Variants in LRP1 observed in about 807,000 individuals in gnomAD.
LRP1 encodes LDL receptor related protein 1.
Under a neutral mutation model 541.5 loss-of-function variants are expected in LRP1, and 51 were observed. The ratio of observed to expected loss-of-function variants is 0.09; its 90% CI spans 0.08 to 0.12. The LOEUF (loss-of-function observed/expected upper bound fraction) is 0.12. Among genes scored for constraint, LRP1 ranks in the 10% least tolerant of loss-of-function variants. The pLI is 1.00. For missense variants in LRP1, 3,878 were observed against 6,376.2 expected (o/e 0.61, Z 13.34); for synonymous variants, 2,219 against 2,470.8 (o/e 0.90, Z 3.02).
Position 57,173,212 on chromosome 12 carries a change from C to G in LRP1, c.3208C>G (p.Arg1070Gly), listed in dbSNP as rs756577980. 6.2e-7 allele frequency: 1 copy of G among 1,613,682 alleles called. No homozygotes were observed. Among genetic ancestry groups the G allele is most frequent in the African/African-American group, 1.3e-5 (1 of 75,020 alleles). ...GGCHTDEFQC[R>G]LDGLCIPLRW... is the part of the protein sequence containing the mutation. The stretch of plus-strand genomic sequence containing the variant: ...CTGCCACACTGATGAGTTCCAGTGC[C>G]GGCTGGATGGACTATGCATCCCCCT... Residue 1070 changes from arginine to glycine, a missense_variant, in exon 21 of 89, where the codon CGG (arginine) becomes GGG (glycine). Physicochemically the swap from Arg to Gly is moderately radical, Grantham distance 125 (BLOSUM62 -2). Coordinates refer to ENST00000243077, the MANE Select transcript of LRP1 (RefSeq NM_002332.3). This position sits in a 1 kb window ranked among gnomAD's most constrained non-coding sequence, Gnocchi z 4.7.
chr12:57,165,735 G>T lies in LRP1; in HGVS notation c.2531-70G>T. On this transcript the variant is annotated intron_variant, in intron 15 of 88. Transcript: ENST00000243077. This position sits in a 1 kb window ranked among gnomAD's most constrained non-coding sequence, Gnocchi z 4.5. ...AAATAGTAAAACAAACAAAAATGGT[G>T]CAAAGGGCTTAGTACTTGTCCCACG... The T allele has an allele frequency of 1.3e-6, 2 of 1,497,894 alleles. No homozygotes were observed. The highest frequency in any genetic ancestry group is 1.2e-5 in the South Asian group (1 of 83,666). The allele number at this position is 1,497,894 out of a possible 1,614,324, so 92.8% of individuals were successfully genotyped here. A position where few individuals can be genotyped will look rare whatever the true frequency, so the allele number is the denominator to read the frequency against.
intron 6 of LRP1, among the ~76,000 whole-genome samples, chr12:57,147,104 T>C (rs1171163148): frequency 6.6e-6 from 1 of 151,950 alleles, no homozygotes; most frequent in Non-Finnish European, 1.5e-5. Context: ...CCTCCCAGTC[T>C]GCTAAACTCA....
At position 57,145,069 on chromosome 12, in the gene LRP1, G is replaced by A; in HGVS notation, c.546G>A (p.Gln182=). Residue 182 remains glutamine, a synonymous_variant, in exon 5 of 89, where the codon CAG becomes CAA. Transcript: ENST00000243077. Reference sequence around the variant, plus strand: ...GCTGTGTTGAAGGATACCTCCTGCAGCCGGATAACCGCTCCTGCAAGGCCA... The same window carrying A: ...GCTGTGTTGAAGGATACCTCCTGCAACCGGATAACCGCTCCTGCAAGGCCA... ...ICGCVEGYLL[Q]PDNRSCKAKN... 2.5e-6 allele frequency: 4 copies of A among 1,614,002 alleles called. No homozygotes were observed. Among genetic ancestry groups the A allele is most frequent in the Non-Finnish European group, 3.4e-6 (4 of 1,180,038 alleles).
At chr12:57,170,801 A>G (rs899383645) in intron 20 of LRP1, among the ~76,000 whole-genome samples, 5 of 152,120 alleles carry the variant, frequency 3.3e-5, no homozygotes, top group African/African-American at 1.2e-4. Flanking sequence ...GGGTGACAGA[A>G]TAAGACCTTG....
chr12:57,158,690 A>G lies in LRP1; in HGVS notation c.1798+52A>G, dbSNP rs975742161. On this transcript the variant is annotated intron_variant, in intron 11 of 88. Coordinates refer to ENST00000243077, the MANE Select transcript of LRP1 (RefSeq NM_002332.3). The surrounding 1 kb of genome is among the most constrained non-coding windows in gnomAD (Gnocchi z 5.3). ...TGGGGATGGAAGGGGGCTGGGGCCC[A>G]GGCATCTGTTTCTCGGTGCCCTCTC... The G allele has an allele frequency of 7.8e-6, 12 of 1,539,066 alleles. No individual in the cohort carries two copies. In the Middle Eastern group the frequency reaches 8.5e-4, roughly 109 times the overall value.
At chr12:57,161,174 C>A in intron 13 of LRP1, 59 bp downstream of exon 13, 3 of 1,538,960 alleles carry the variant, frequency 1.9e-6, no homozygotes, top group Non-Finnish European at 1.8e-6. Flanking sequence ...CATGCTTGGG[C>A]GTGGATGAGG....
chr12:57,205,448 G>T lies in LRP1; in HGVS notation c.11433G>T (p.Ser3811=). ...TEKAAYCACR[S]GFHTVPGQPG... The stretch of plus-strand genomic sequence containing the variant: ...AAGCGGCCTACTGTGCCTGCCGCTC[G>T]GGCTTCCACACCGTGCCCGGCCAGC... Residue 3811 remains serine (S), a synonymous_variant, in exon 74 of 89, where the codon TCG becomes TCT. Transcript: ENST00000243077. This position sits in a 1 kb window ranked among gnomAD's most constrained non-coding sequence, Gnocchi z 4.6. 1 of 1,611,158 alleles carries T rather than the reference G, an allele frequency of 6.2e-7. No individual in the cohort carries two copies. Among genetic ancestry groups the T allele is most frequent in the South Asian group, 1.1e-5 (1 of 91,010 alleles).
At position 57,154,599 on chromosome 12, in the gene LRP1, C is replaced by T; in HGVS notation, c.1125C>T (p.Asp375=). ...TGTTTCCTCATGGCATCACGCTGGACCTGGTCAGCCGCCTTGTCTACTGGG... is the reference window on the plus strand; with the variant it reads ...TGTTTCCTCATGGCATCACGCTGGATCTGGTCAGCCGCCTTGTCTACTGGG... ...KIVFPHGITL[D]LVSRLVYWAD... Residue 375 remains aspartate (D), a synonymous_variant, in exon 8 of 89, where the codon GAC becomes GAT. Coordinates refer to ENST00000243077, the MANE Select transcript of LRP1 (RefSeq NM_002332.3). The surrounding 1 kb of genome is among the most constrained non-coding windows in gnomAD (Gnocchi z 4.6). 6.2e-7 allele frequency: 1 copy of T among 1,612,406 alleles called. No homozygotes were observed. Among genetic ancestry groups the T allele is most frequent in the Non-Finnish European group, 8.5e-7 (1 of 1,179,202 alleles).
At chr12:57,176,209 C>T in intron 24 of LRP1, 103 bp downstream of exon 24, 1 of 1,106,100 alleles carries the variant, frequency 9.0e-7, no homozygotes, top group Non-Finnish European at 1.3e-6. Context: ...GGCTTGGCTC[C>T]CCCATCCCCC....
In LRP1 at chr12:57,183,748, T is replaced by C. The variant is rs1394615013; in HGVS notation, c.5795-27T>C. On this transcript the variant is annotated intron_variant, in intron 35 of 88. Coordinates refer to ENST00000243077, the MANE Select transcript of LRP1 (RefSeq NM_002332.3). The surrounding 1 kb of genome is among the most constrained non-coding windows in gnomAD (Gnocchi z 6.1). ...CACCTTACCCCTGCCTTATTGGGCA[T>C]CCCCATGTCACCTCCTCCACCTCCA... The C allele has an allele frequency of 3.7e-6, 6 of 1,613,058 alleles. No individual in the cohort carries two copies. The South Asian group carries it at 5.5e-5, about 15-fold the overall frequency.
rs200703242 is a variant in LRP1, at chr12:57,194,539, G to A, written c.8068+36G>A. The A allele has an allele frequency of 2.3e-4, 363 of 1,612,280 alleles. 1 individual carries two copies. In the African/African-American group the frequency reaches 4.2e-3, roughly 19 times the overall value. ...GCAGGTGTGTGGTGGGTGGTGGCCT[G>A]CGGTGAGCAGGGCCCTCACACCTGC... is the stretch of plus-strand genomic sequence containing the variant. On this transcript the variant is annotated intron_variant, in intron 49 of 88. Transcript: ENST00000243077.
At chr12:57,148,733 G>A (rs2035465536) in intron 6 of LRP1, among the ~76,000 whole-genome samples, 1 of 152,206 alleles carries the variant, frequency 6.6e-6, no homozygotes. Flanking sequence ...GGCCTTGAAG[G>A]AAATCGGGTT....
Position 57,162,546 on chromosome 12 carries a change from G to T in LRP1, c.2404+28G>T. On this transcript the variant is annotated intron_variant, in intron 14 of 88. Coordinates refer to ENST00000243077, the MANE Select transcript of LRP1 (RefSeq NM_002332.3). The surrounding 1 kb of genome is among the most constrained non-coding windows in gnomAD (Gnocchi z 5.2). ...ACCTCCTTGGGGCTGGGGGCAGCGT[G>T]GGACCTGGAAGGGGTGGTGGGACTT... The T allele has an allele frequency of 6.2e-7, 1 of 1,611,942 alleles. No individual in the cohort carries two copies. Among genetic ancestry groups the T allele is most frequent in the Non-Finnish European group, 8.5e-7 (1 of 1,179,386 alleles).
Position 57,195,774 on chromosome 12 carries a change from G to A in LRP1, c.8554G>A (p.Glu2852Lys), listed in dbSNP as rs1328989722. Reference sequence around the variant, plus strand: ...TGCAGATGGCTCTGATGAGTCCCCCGAGTGTGGTGAGCCTTCGGCGGTGGT... The same window carrying A: ...TGCAGATGGCTCTGATGAGTCCCCCAAGTGTGGTGAGCCTTCGGCGGTGGT... Reference protein sequence around the residue: ...DCADGSDESPECEYPTCGPSE... With the variant: ...DCADGSDESPKCEYPTCGPSE... Residue 2852 changes from glutamate to lysine, a missense_variant, in exon 53 of 89, where the codon GAG (glutamate) becomes AAG (lysine). Around this residue, in one of 13 missense-constraint regions of LRP1, gnomAD observed 1,100 missense variants for 1,827.4 expected, o/e 0.60. Transcript: ENST00000243077. The A allele has an allele frequency of 6.2e-7, 1 of 1,614,162 alleles. No individual in the cohort carries two copies. The highest frequency in any genetic ancestry group is 8.5e-7 in the Non-Finnish European group (1 of 1,180,020).
chr12:57,198,642 C>A lies in LRP1; in HGVS notation c.9648C>A (p.Ala3216=), dbSNP rs773114069. ...CCCGCGAGGACTACATTGAATTTGCCAGCCTGGATGGCTCCAATCGCCACG... is the reference window on the plus strand; with the variant it reads ...CCCGCGAGGACTACATTGAATTTGCAAGCCTGGATGGCTCCAATCGCCACG... ...ADAREDYIEF[A]SLDGSNRHVV... The change falls in exon 60 of 89, where the codon GCC becomes GCA. Residue 3216 remains alanine, a synonymous_variant. Transcript: ENST00000243077. 4.3e-6 allele frequency: 7 copies of A among 1,612,474 alleles called. No homozygotes were observed. Among genetic ancestry groups the A allele is most frequent in the East Asian group, 2.2e-5 (1 of 44,816 alleles).
chr12:57,142,223 C>G (rs1242561492), intron 3 of LRP1, among the ~76,000 whole-genome samples: 4 of 152,256 alleles, frequency 2.6e-5, no homozygotes, highest in Non-Finnish European at 5.9e-5. Context: ...GGAGGCAGAG[C>G]CTCAAGCCTG....
intron 42 of LRP1, among the ~76,000 whole-genome samples, chr12:57,188,181 G>C (rs1051966458): frequency 6.6e-6 from 1 of 152,162 alleles, no homozygotes; most frequent in African/African-American, 2.4e-5. Flanking sequence ...CCCCCTGGAG[G>C]GTTCACCCGC....
At chr12:57,194,727 C>T (rs1204740063) in intron 50 of LRP1, 28 bp downstream of exon 50, 2 of 1,524,142 alleles carry the variant, frequency 1.3e-6, no homozygotes, top group South Asian at 1.3e-5. Flanking sequence ...CCACTCAGTG[C>T]TCCAAGAGCC....
rs752022660 is a variant in LRP1 at position 57,161,040 on chromosome 12, G to A, written c.2127G>A (p.Pro709=). 2.1e-5 allele frequency: 34 copies of A among 1,613,806 alleles called. No individual in the cohort carries two copies. Among genetic ancestry groups the A allele is most frequent in the Non-Finnish European group, 2.6e-5 (31 of 1,180,040 alleles). The part of the protein sequence containing the change: ...LWPNGLSLDI[P]AGRLYWVDAF... ...CCAATGGGCTAAGCCTGGACATCCC[G>A]GCTGGGCGCCTCTACTGGGTGGATG... Residue 709 remains proline (P), a synonymous_variant, in exon 13 of 89, where the codon CCG becomes CCA. Transcript: ENST00000243077.
Sources: gnomAD v4.1 joint callset for allele counts (sites outside exome capture counted in the v4.1 genomes callset) on GRCh38, gnomAD v4.1.1 for gene constraint, gnomAD v4.1.1 regional missense constraint, Gnocchi (gnomAD v3.1) non-coding constraint, MANE v1.5 for transcripts, NCBI Gene and HGNC (gene_info 2026-07-23, HGNC 2026-07-21) for gene names.